SNTB1: variants seen among roughly 807,000 people sequenced by gnomAD.
SNTB1 encodes syntrophin beta 1, also known as beta-1-syntrophin.
Under a neutral mutation model 48.9 loss-of-function variants are expected in SNTB1, and 36 were observed. The observed-to-expected ratio is 0.74, with a 90% CI of 0.56 to 0.97. The LOEUF (loss-of-function observed/expected upper bound fraction) is 0.97. Ranked by LOEUF, SNTB1 falls within the 50% of genes least tolerant of loss-of-function variation. The pLI is 0.00. For missense variants in SNTB1, 786 were observed against 703.4 expected (o/e 1.12, Z -1.33); for synonymous variants, 299 against 294.6 (o/e 1.01, Z -0.15).
chr8:120,558,306 C>G (rs1815601254), intron 4 of SNTB1, among the ~76,000 whole-genome samples: 1 of 152,010 alleles, frequency 6.6e-6, no homozygotes, highest in Admixed American at 6.6e-5. Context: ...ATGCTGTCTC[C>G]CAAGAGAAGA....
At chr8:120,772,844 G>T (rs1340374037) in intron 1 of SNTB1, among the ~76,000 whole-genome samples, 2 of 152,044 alleles carry the variant, frequency 1.3e-5, no homozygotes, top group Non-Finnish European at 2.9e-5. Context: ...AGAAAGAGAA[G>T]AAAAAGAAAA....
At chr8:120,549,872 G>T (rs531213918) in intron 4 of SNTB1, among the ~76,000 whole-genome samples, 4 of 152,172 alleles carry the variant, frequency 2.6e-5, no homozygotes, top group South Asian at 2.1e-4. Context: ...TCTTTCTAGG[G>T]TATTTGCATT....
At chr8:120,759,797 GC>G (rs1819384241) in intron 1 of SNTB1, among the ~76,000 whole-genome samples, 2 of 152,256 alleles carry the variant, frequency 1.3e-5, no homozygotes, top group East Asian at 3.9e-4. Flanking sequence ...TTCCCCACAA[GC>G]CTAGAGTCTC....
At chr8:120,681,799 A>G (rs769285646) in intron 2 of SNTB1, among the ~76,000 whole-genome samples, 14 of 152,148 alleles carry the variant, frequency 9.2e-5, no homozygotes, top group Non-Finnish European at 1.8e-4. Context: ...ATAGGTTCCA[A>G]CATGTTTTAC....
At chr8:120,708,206 T>A (rs1290992326) in intron 1 of SNTB1, among the ~76,000 whole-genome samples, 1 of 151,566 alleles carries the variant, frequency 6.6e-6, no homozygotes, top group Non-Finnish European at 1.5e-5. Flanking sequence ...TAGAAAAAAA[T>A]AAACTTAACA....
intron 2 of SNTB1, among the ~76,000 whole-genome samples, chr8:120,674,687 C>T (rs4076711): frequency 0.55 from 83,266 of 151,948 alleles, 25,379 homozygotes; most frequent in African/African-American, 0.84. Context: ...GACTTTCACA[C>T]CAATGCTGTA....
In SNTB1 at chr8:120,761,987, T is replaced by C. The variant is rs1345521190; in HGVS notation, c.571+49286A>G. Among the ~76,000 whole-genome samples, 3 of 152,194 alleles carry C rather than the reference T, an allele frequency of 2.0e-5. No homozygotes were observed. In the East Asian group the frequency reaches 5.8e-4, roughly 29 times the overall value. On this transcript the variant is annotated intron_variant, in intron 1 of 6. Coordinates refer to ENST00000517992, the MANE Select transcript of SNTB1 (RefSeq NM_021021.4). ...AATAAAGCCACTGGAAGAGGGCCAA[T>C]ATGATTCTTTACCAAAAATGTCTCT...
At chr8:120,616,271 T>C (rs1231610452) in intron 3 of SNTB1, among the ~76,000 whole-genome samples, 1 of 151,636 alleles carries the variant, frequency 6.6e-6, no homozygotes, top group African/African-American at 2.4e-5. Flanking sequence ...ACTACTTGAC[T>C]CAACACTGGT....
intron 2 of SNTB1, among the ~76,000 whole-genome samples, chr8:120,648,894 C>T (rs1187564965): frequency 5.9e-5 from 9 of 151,918 alleles, no homozygotes; most frequent in Non-Finnish European, 1.2e-4. Flanking sequence ...CTAAACTTCC[C>T]TTCTTGCTTC....
intron 1 of SNTB1, among the ~76,000 whole-genome samples, chr8:120,796,366 C>T (rs950730547): frequency 1.3e-5 from 2 of 152,016 alleles, no homozygotes; most frequent in African/African-American, 2.4e-5. Flanking sequence ...TCTATAAAGA[C>T]CCTATCTCGA....
At chr8:120,666,822 G>A (rs1010746314) in intron 2 of SNTB1, among the ~76,000 whole-genome samples, 9 of 151,950 alleles carry the variant, frequency 5.9e-5, no homozygotes, top group African/African-American at 2.2e-4. Context: ...CTATTACTAG[G>A]TATTTTTTGC....
chr8:120,771,447 AT>A (rs1563596890), intron 1 of SNTB1, among the ~76,000 whole-genome samples: 1 of 152,240 alleles, frequency 6.6e-6, no homozygotes, highest in Non-Finnish European at 1.5e-5. Flanking sequence ...CGTATAAAAA[AT>A]TTCTGTTCCA....
chr8:120,580,727 T>C (rs1389681557), intron 3 of SNTB1, among the ~76,000 whole-genome samples: 1 of 152,242 alleles, frequency 6.6e-6, no homozygotes, highest in East Asian at 1.9e-4. Flanking sequence ...ATAATTAGCA[T>C]TGATCAACTT....
Position 120,548,761 on chromosome 8 carries a change from C to A in SNTB1, c.1333+1G>T. On this transcript the variant is annotated splice_donor_variant, in intron 5 of 6. Coordinates refer to ENST00000517992, the MANE Select transcript of SNTB1 (RefSeq NM_021021.4). LOFTEE classifies it high-confidence loss of function. The stretch of plus-strand genomic sequence containing the variant: ...CCTTGGTAGCTCACTGCAGTACTCA[C>A]CAGTGCTGATTTCAGCAATGAGTTC... 1 of 1,612,332 alleles carries A rather than the reference C, an allele frequency of 6.2e-7. No individual in the cohort carries two copies. The highest frequency in any genetic ancestry group is 8.5e-7 in the Non-Finnish European group (1 of 1,178,386).
intron 2 of SNTB1, among the ~76,000 whole-genome samples, chr8:120,636,407 A>C (rs2129651102): frequency 9.9e-6 from 1 of 101,082 alleles, no homozygotes; most frequent in African/African-American, 3.9e-5. Flanking sequence ...CCCACCCCAC[A>C]ACAGTCCCCA....
chr8:120,542,476 C>A (rs1421888161), intron 5 of SNTB1, among the ~76,000 whole-genome samples: 3 of 152,090 alleles, frequency 2.0e-5, no homozygotes, highest in Non-Finnish European at 4.4e-5. Context: ...CAATATGGTG[C>A]AACCCCATCT....
chr8:120,703,371 C>T (rs762697403), intron 1 of SNTB1, among the ~76,000 whole-genome samples: 12 of 152,168 alleles, frequency 7.9e-5, no homozygotes, highest in Non-Finnish European at 1.3e-4. Context: ...GTGATCCATC[C>T]GCCTTGGCCT....
At chr8:120,799,371 G>T (rs1261837448) in intron 1 of SNTB1, among the ~76,000 whole-genome samples, 1 of 151,964 alleles carries the variant, frequency 6.6e-6, no homozygotes, top group African/African-American at 2.4e-5. Flanking sequence ...AGACATCTGA[G>T]TCAATACTGG....
rs547865407 is a variant in SNTB1, at chr8:120,780,714, A to G, written c.571+30559T>C. Among the ~76,000 whole-genome samples, 158 of 152,364 alleles carry G rather than the reference A, an allele frequency of 1.0e-3. 1 individual carries two copies. Among genetic ancestry groups the G allele is most frequent in the Non-Finnish European group, 1.2e-3 (79 of 68,044 alleles). The stretch of plus-strand genomic sequence containing the variant: ...TGCAAAACCAAATCAAACTGGCACC[A>G]CAAATGATCAACTGACATCTTCATA... On this transcript the variant is annotated intron_variant, in intron 1 of 6. Coordinates refer to ENST00000517992, the MANE Select transcript of SNTB1 (RefSeq NM_021021.4).
Sources: allele counts gnomAD v4.1 joint callset (sites outside exome capture counted in the v4.1 genomes callset), GRCh38; gene constraint gnomAD v4.1.1; transcripts MANE v1.5; gene names NCBI Gene and HGNC (gene_info 2026-07-23, HGNC 2026-07-21).